Variants in PHF3 observed in about 807,000 individuals in gnomAD.
PHF3 encodes PHD finger protein 3.
Under a neutral mutation model 178.4 loss-of-function variants are expected in PHF3, and 41 were observed. That is an observed-to-expected ratio of 0.23 (90% confidence interval 0.18 to 0.30). The LOEUF (loss-of-function observed/expected upper bound fraction) is 0.30, where lower values mean the gene tolerates loss of function less well. PHF3 is among the 10% of genes least tolerant of loss of function. PHF3 has a pLI of 1.00. For synonymous variants in PHF3, 842 were observed against 800.5 expected, an observed-to-expected ratio of 1.05 and a Z score of -0.88; for missense variants, 2,346 against 2,398.1, an observed-to-expected ratio of 0.98 and a Z score of 0.45.
chr6:63,656,135 C>G (rs1339792499), intron 2 of PHF3, among the ~76,000 whole-genome samples: 1 of 152,298 alleles, frequency 6.6e-6, no homozygotes, highest in African/African-American at 2.4e-5. Context: ...GGCCCAAGGC[C>G]GGAGCTTTCC....
chr6:63,713,029 G>A lies in PHF3; in HGVS notation c.5441G>A (p.Gly1814Glu). The A allele has an allele frequency of 6.2e-7, 1 of 1,613,944 alleles. No homozygotes were observed. The highest frequency in any genetic ancestry group is 8.5e-7 in the Non-Finnish European group (1 of 1,179,956). The change falls in exon 16 of 16, where the codon GGA becomes GAA. Residue 1814 changes from glycine to glutamate, a missense_variant. Gly to Glu is a moderately conservative substitution (Grantham distance 98). Around this residue, in one of 8 missense-constraint regions of PHF3, gnomAD observed 839 missense variants for 806.9 expected, o/e 1.04. Coordinates refer to ENST00000262043, the MANE Select transcript of PHF3 (RefSeq NM_001370348.2). ...NLQHLKSSPP[G>E]FPFPGPPNFP... Reference sequence around the variant, plus strand: ...CAGCATCTCAAGTCTAGCCCACCTGGATTTCCATTTCCAGGGCCTCCTAAT... The same window carrying A: ...CAGCATCTCAAGTCTAGCCCACCTGAATTTCCATTTCCAGGGCCTCCTAAT...
rs1384692151 is a variant in PHF3 at position 63,720,803 on chromosome 6, A to G, written c.*7095A>G. On this transcript the variant is annotated 3_prime_UTR_variant, in exon 16 of 16. Coordinates refer to ENST00000262043, the MANE Select transcript of PHF3 (RefSeq NM_001370348.2). The stretch of plus-strand genomic sequence containing the variant: ...AAATGCCATCATAGTTTAGAGCCAC[A>G]AAGTTTTTATGTGGATCAATATCCT... 12 of 1,551,040 alleles carry G rather than the reference A, an allele frequency of 7.7e-6. No homozygotes were observed. Among genetic ancestry groups the G allele is most frequent in the Admixed American group, 3.9e-5 (2 of 50,930 alleles).
rs760520190 is a variant in PHF3 at position 63,685,733 on chromosome 6, C to G, written c.2011C>G (p.Gln671Glu). Residue 671 changes from glutamine (Q) to glutamate (E), a missense_variant, in exon 4 of 16, where the codon CAA (glutamine) becomes GAA (glutamate). This residue lies in a region of PHF3 where 843 missense variants were observed against 795.2 expected (regional missense o/e 1.06). Transcript: ENST00000262043. Reference protein sequence around the residue: ...LKLKKPEKNLQPRQRRSSKSF... With the variant: ...LKLKKPEKNLEPRQRRSSKSF... The stretch of plus-strand genomic sequence containing the variant: ...ACTGAAAAAACCTGAGAAGAACCTA[C>G]AACCCCGCCAAAGAAGAAGCAGCAA... 6 of 1,614,088 alleles carry G rather than the reference C, an allele frequency of 3.7e-6. No homozygotes were observed. Among genetic ancestry groups the G allele is most frequent in the Non-Finnish European group, 4.2e-6 (5 of 1,180,030 alleles).
rs78779991 is a variant in PHF3, at chr6:63,705,334, C to G, written c.3368-695C>G. ...GAGGAATTACTACCTTAGGGGTCCT[C>G]AACCCCCGGGCCACAAACCTGTACG... On this transcript the variant is annotated intron_variant, in intron 11 of 15. Transcript: ENST00000262043. 2.7e-3 allele frequency among the ~76,000 whole-genome samples: 404 copies of G among 152,324 alleles called. 1 individual carries two copies. The highest frequency in any genetic ancestry group is 9.3e-3 in the African/African-American group (385 of 41,574).
At chr6:63,701,155 C>T (rs1257093946) in intron 9 of PHF3, among the ~76,000 whole-genome samples, 1 of 152,172 alleles carries the variant, frequency 6.6e-6, no homozygotes, top group African/African-American at 2.4e-5. Flanking sequence ...AGGCTTATCT[C>T]TTATCCAAAG....
intron 1 of PHF3, among the ~76,000 whole-genome samples, chr6:63,642,606 T>C (rs1037479161): frequency 1.3e-5 from 2 of 152,222 alleles, no homozygotes; most frequent in African/African-American, 2.4e-5. Flanking sequence ...TATTCCCAAA[T>C]TACCAATACG....
chr6:63,706,112 G>C lies in PHF3; in HGVS notation c.3451G>C (p.Glu1151Gln). Reference protein sequence around the residue: ...VGVARKHSDNEAESIADALSS... With the variant: ...VGVARKHSDNQAESIADALSS... ...AGTAGCTCGCAAACATTCAGACAAT[G>C]AAGCAGAAAGTATAGCAGATGCATT... The change falls in exon 12 of 16, where the codon GAA becomes CAA. Residue 1151 changes from glutamate (E) to glutamine (Q), a missense_variant. By Grantham distance (29) the Glu-to-Gln change is conservative. Around this residue, in one of 8 missense-constraint regions of PHF3, gnomAD observed 205 missense variants for 212.4 expected, o/e 0.97. Transcript: ENST00000262043. 6.2e-7 allele frequency: 1 copy of C among 1,613,914 alleles called. No individual in the cohort carries two copies. Among genetic ancestry groups the C allele is most frequent in the Non-Finnish European group, 8.5e-7 (1 of 1,179,870 alleles).
chr6:63,668,137 A>G lies in PHF3; in HGVS notation c.245-11863A>G, dbSNP rs78772786. Among the ~76,000 whole-genome samples the G allele has an allele frequency of 1.7e-3, 258 of 152,254 alleles. 8 individuals carry two copies. The East Asian group carries it at 0.044, about 26-fold the overall frequency. On this transcript the variant is annotated intron_variant, in intron 2 of 15. Coordinates refer to ENST00000262043, the MANE Select transcript of PHF3 (RefSeq NM_001370348.2). ...TTTCTAAATCTAACTTTTCTTTTACATTTATTTGCTGCATTCTGGTAAGGG... is the reference window on the plus strand; with the variant it reads ...TTTCTAAATCTAACTTTTCTTTTACGTTTATTTGCTGCATTCTGGTAAGGG...
At chr6:63,707,942 C>CT (rs1420450417) in intron 13 of PHF3, among the ~76,000 whole-genome samples, 2 of 151,956 alleles carry the variant, frequency 1.3e-5, no homozygotes, top group Non-Finnish European at 2.9e-5. Flanking sequence ...TCTTGGCTTG[C>CT]TGCAATGTCT....
intron 2 of PHF3, among the ~76,000 whole-genome samples, chr6:63,659,541 C>T (rs905437196): frequency 6.6e-6 from 1 of 152,178 alleles, no homozygotes; most frequent in African/African-American, 2.4e-5. Context: ...TGCAAAACTA[C>T]TTTGCTAGCT....
intron 4 of PHF3, among the ~76,000 whole-genome samples, chr6:63,690,969 TA>T (rs1171155307): frequency 4.6e-5 from 7 of 152,256 alleles, no homozygotes; most frequent in Admixed American, 4.6e-4. Flanking sequence ...GGAAAACTTT[TA>T]TAAGGAGATT....
chr6:63,706,635 T>G (rs1200500634), intron 12 of PHF3, 94 bp from the exon 13 acceptor site: 9 of 1,235,202 alleles, frequency 7.3e-6, no homozygotes, highest in Non-Finnish European at 1.0e-5. Flanking sequence ...TATTTTGGCC[T>G]TCTTCACATG....
chr6:63,652,213 T>G (rs1210559630), intron 2 of PHF3, among the ~76,000 whole-genome samples: 1 of 152,206 alleles, frequency 6.6e-6, no homozygotes, highest in Non-Finnish European at 1.5e-5. Flanking sequence ...TTATTTTTTA[T>G]CTTTTTGATA....
intron 2 of PHF3, among the ~76,000 whole-genome samples, chr6:63,656,388 G>A (rs1447022347): frequency 6.6e-6 from 1 of 151,934 alleles, no homozygotes; most frequent in African/African-American, 2.4e-5. Context: ...TTATTCCATT[G>A]TATTACTGAA....
chr6:63,675,320 G>T lies in PHF3; in HGVS notation c.245-4680G>T, dbSNP rs75289642. 1.6e-4 allele frequency among the ~76,000 whole-genome samples: 24 copies of T among 152,286 alleles called. No homozygotes were observed. In the East Asian group the frequency reaches 3.7e-3, roughly 23 times the overall value. ...GTAGGGAGTTTTTCACATTTGTTAT[G>T]TGATGATTATGCTGGCAGCACAAAG... On this transcript the variant is annotated intron_variant, in intron 2 of 15. Transcript: ENST00000262043.
chr6:63,690,595 G>A (rs1479632160), intron 4 of PHF3, among the ~76,000 whole-genome samples: 1 of 152,088 alleles, frequency 6.6e-6, no homozygotes, highest in Non-Finnish European at 1.5e-5. Flanking sequence ...TTTTTGAAAG[G>A]AGCTTGGTAC....
At position 63,721,885 on chromosome 6, in the gene PHF3, TTTAG is replaced by T; in HGVS notation, c.*8181_*8184del. The T allele has an allele frequency of 7.9e-7, 1 of 1,265,082 alleles. No individual in the cohort carries two copies. Among genetic ancestry groups the T allele is most frequent in the Non-Finnish European group, 1.1e-6 (1 of 932,378 alleles). The allele number at this position is 1,265,082 out of a possible 1,614,324, so 78.4% of individuals were successfully genotyped here. On this transcript the variant is annotated 3_prime_UTR_variant, in exon 16 of 16. Coordinates refer to ENST00000262043, the MANE Select transcript of PHF3 (RefSeq NM_001370348.2). ...CTGTTTCTGGCCAAGTTGGATAAGT[TTTAG>T]TTATGGGGAAAAAAGTAACAGATCT... is the stretch of plus-strand genomic sequence containing the variant.
At chr6:63,654,889 C>CT (rs34787470) in intron 2 of PHF3, among the ~76,000 whole-genome samples, 30,440 of 94,720 alleles carry the variant, frequency 0.32, 6,449 homozygotes, top group African/African-American at 0.37. Flanking sequence ...ATTAGGTGAC[C>CT]TTTTTTTTTT....
chr6:63,645,826 C>T (rs1764760262), intron 1 of PHF3, among the ~76,000 whole-genome samples: 1 of 152,050 alleles, frequency 6.6e-6, no homozygotes, highest in Non-Finnish European at 1.5e-5. Context: ...AATCTAAATA[C>T]ATGATGTAGA....
Sources: allele counts gnomAD v4.1 joint callset (sites outside exome capture counted in the v4.1 genomes callset), GRCh38; gene constraint gnomAD v4.1.1; regional missense constraint gnomAD v4.1.1; transcripts MANE v1.5; gene names NCBI Gene and HGNC (gene_info 2026-07-23, HGNC 2026-07-21).